LRRIQ1: variants seen among roughly 807,000 people sequenced by gnomAD.
LRRIQ1 encodes leucine-rich repeat- and IQ domain-containing protein 1.
In LRRIQ1, 210 loss-of-function variants were observed where a neutral mutation model predicts 211.9. That is an observed-to-expected ratio of 0.99 (90% confidence interval 0.89 to 1.11). LRRIQ1 has a LOEUF of 1.11. Ranked by LOEUF, LRRIQ1 falls within the 50% of genes most tolerant of loss-of-function variation. LRRIQ1 has a pLI of 0.00. For missense variants in LRRIQ1, 2,136 were observed against 1,939.5 expected, an observed-to-expected ratio of 1.10 and a Z score of -1.90; for synonymous variants, 699 against 650.1, an observed-to-expected ratio of 1.08 and a Z score of -1.14.
intron 21 of LRRIQ1, 92 bp downstream of exon 21, chr12:85,153,237 G>A (rs1890346850): frequency 5.0e-6 from 6 of 1,189,010 alleles, no homozygotes; most frequent in Non-Finnish European, 7.1e-6. Context: ...AACTAGATGT[G>A]AATTTACTTG....
At chr12:85,142,957 C>T (rs1889646002) in intron 19 of LRRIQ1, among the ~76,000 whole-genome samples, 1 of 151,390 alleles carries the variant, frequency 6.6e-6, no homozygotes, top group African/African-American at 2.4e-5. Context: ...GATTTTATTG[C>T]CTTTTGGTAT....
chr12:85,208,006 C>T (rs922510084), intron 24 of LRRIQ1, among the ~76,000 whole-genome samples: 3 of 140,626 alleles, frequency 2.1e-5, no homozygotes, highest in Non-Finnish European at 4.4e-5. Flanking sequence ...AGTAACTTTC[C>T]TCTCATGTTC....
Position 85,185,265 on chromosome 12 carries a change from T to G in LRRIQ1, c.4822+24551T>G, listed in dbSNP as rs187515421. On this transcript the variant is annotated intron_variant, in intron 24 of 26. Transcript: ENST00000393217. ...CAATTCCACACTTACAATTTTCTAATTTGTTTTACTGTGTGTTTCATATGG... is the reference window on the plus strand; with the variant it reads ...CAATTCCACACTTACAATTTTCTAAGTTGTTTTACTGTGTGTTTCATATGG... 5.1e-4 allele frequency among the ~76,000 whole-genome samples: 78 copies of G among 152,050 alleles called. 1 individual carries two copies. The highest frequency in any genetic ancestry group is 6.9e-3 in the Middle Eastern group (2 of 288).
chr12:85,056,233 G>C lies in LRRIQ1; in HGVS notation c.1440G>C (p.Met480Ile). ...SSQTILADFKMEEKNENLAKK... is the reference protein window; with the variant it reads ...SSQTILADFKIEEKNENLAKK... ...AAACAATTCTGGCAGATTTTAAAAT[G>C]GAAGAAAAAAATGAAAACCTAGCAA... The change falls in exon 8 of 27, where the codon ATG becomes ATC. Residue 480 changes from methionine to isoleucine, a missense_variant. By Grantham distance (10) the Met-to-Ile change is conservative (BLOSUM62 1). Transcript: ENST00000393217. 1 of 1,569,420 alleles carries C rather than the reference G, an allele frequency of 6.4e-7. No individual in the cohort carries two copies. The highest frequency in any genetic ancestry group is 1.2e-5 in the South Asian group (1 of 82,260).
At chr12:85,139,242 C>T (rs1055055219) in intron 19 of LRRIQ1, among the ~76,000 whole-genome samples, 3 of 151,384 alleles carry the variant, frequency 2.0e-5, no homozygotes, top group Non-Finnish European at 4.4e-5. Context: ...ATCTTTTCAG[C>T]ACACCCATGC....
intron 1 of LRRIQ1, among the ~76,000 whole-genome samples, chr12:85,255,308 T>C (rs1197567465): frequency 6.6e-6 from 1 of 151,854 alleles, no homozygotes; most frequent in Non-Finnish European, 1.5e-5. Context: ...ACTTATAAAC[T>C]CTTCTAATAA....
At chr12:85,038,122 G>A in intron 1 of LRRIQ1, 31 bp from the exon 2 acceptor site, 2 of 1,328,940 alleles carry the variant, frequency 1.5e-6, no homozygotes, top group South Asian at 2.4e-5. Flanking sequence ...AATTTTTAGT[G>A]ACATATTAGC....
chr12:85,153,080 T>C lies in LRRIQ1; in HGVS notation c.4476T>C (p.Ala1492=), dbSNP rs752936379. The change falls in exon 21 of 27, where the codon GCT becomes GCC. Residue 1492 remains alanine (A), a synonymous_variant. Transcript: ENST00000393217. ...CATTTAATTTACCAAGTAATCCAGC[T>C]CAAGCATGGTTATGTAATGACAAAG... is the stretch of plus-strand genomic sequence containing the variant. The part of the protein sequence containing the change: ...DTSFNLPSNP[A]QAWLCNDKEN... The C allele has an allele frequency of 1.9e-6, 3 of 1,587,548 alleles. No individual in the cohort carries two copies. The highest frequency in any genetic ancestry group is 2.6e-6 in the Non-Finnish European group (3 of 1,162,534).
At chr12:85,038,450 TATATAGTCACCTATACATCTTCGTAA>T in intron 2 of LRRIQ1, 142 bp downstream of exon 2, 1 of 396,484 alleles carries the variant, frequency 2.5e-6, no homozygotes, top group Non-Finnish European at 3.9e-6. Context: ...ATATTGAATA[TATATAGTCACCTATACATCTTCGTAA>T]AATTGGGATT....
At position 85,072,904 on chromosome 12, in the gene LRRIQ1, C is replaced by G. The variant is rs1437618907; in HGVS notation, c.2696-3C>G. The stretch of plus-strand genomic sequence containing the variant: ...TTGGTCTTAATTCTGTCATCCTACT[C>G]AGGATATTCCTTCTTTCTGGAAGAA... On this transcript the variant is annotated splice_region_variant and splice_polypyrimidine_tract_variant and intron_variant, in intron 10 of 26. Coordinates refer to ENST00000393217, the MANE Select transcript of LRRIQ1 (RefSeq NM_001079910.2). 1.9e-6 allele frequency: 3 copies of G among 1,602,896 alleles called. No homozygotes were observed. Among genetic ancestry groups the G allele is most frequent in the Non-Finnish European group, 2.6e-6 (3 of 1,174,386 alleles).
chr12:85,150,857 A>G (rs1029235814), intron 19 of LRRIQ1, among the ~76,000 whole-genome samples: 2 of 151,714 alleles, frequency 1.3e-5, no homozygotes, highest in African/African-American at 4.8e-5. Flanking sequence ...AAAATTGTAT[A>G]TGTTTATTGT....
intron 26 of LRRIQ1, among the ~76,000 whole-genome samples, chr12:85,240,580 C>T (rs190190175): frequency 5.9e-5 from 9 of 151,904 alleles, no homozygotes; most frequent in Admixed American, 3.9e-4. Context: ...TTGTAATAGC[C>T]AAAACTTAAC....
At chr12:85,107,825 A>C (rs1399337598) in intron 15 of LRRIQ1, among the ~76,000 whole-genome samples, 1 of 152,000 alleles carries the variant, frequency 6.6e-6, no homozygotes, top group African/African-American at 2.4e-5. Flanking sequence ...TTTCAGACTC[A>C]TCTATTTTTC....
intron 24 of LRRIQ1, among the ~76,000 whole-genome samples, chr12:85,218,515 GATAA>G: frequency 6.6e-6 from 1 of 152,160 alleles, no homozygotes; most frequent in Non-Finnish European, 1.5e-5. Flanking sequence ...ACAGAGAGAA[GATAA>G]ATACTTTACC....
At chr12:85,230,876 C>T (rs1894903381) in intron 25 of LRRIQ1, among the ~76,000 whole-genome samples, 1 of 151,046 alleles carries the variant, frequency 6.6e-6, no homozygotes, top group Non-Finnish European at 1.5e-5. Flanking sequence ...AGTGAAACCC[C>T]GTCTCTACTA....
At chr12:85,221,808 T>C (rs1333361099) in intron 24 of LRRIQ1, among the ~76,000 whole-genome samples, 1 of 152,162 alleles carries the variant, frequency 6.6e-6, no homozygotes, top group Admixed American at 6.6e-5. Flanking sequence ...TTGAATATTA[T>C]CTAAAGGCAG....
At chr12:85,195,722 C>T (rs1205216586) in intron 24 of LRRIQ1, among the ~76,000 whole-genome samples, 5 of 151,888 alleles carry the variant, frequency 3.3e-5, no homozygotes, top group East Asian at 1.9e-4. Context: ...CAATATCATA[C>T]GGAATGGGCA....
chr12:85,037,871 CAA>C (rs1365595928), intron 1 of LRRIQ1, among the ~76,000 whole-genome samples: 1 of 151,646 alleles, frequency 6.6e-6, no homozygotes, highest in Admixed American at 6.6e-5. Context: ...ATAACTGAAA[CAA>C]AAATTTTATA....
rs71076112 is a variant in LRRIQ1 at position 85,113,907 on chromosome 12, TTGTGTGTG to T, written c.3377+7325_3377+7332del. Among the ~76,000 whole-genome samples, 243 of 140,964 alleles carry T rather than the reference TTGTGTGTG, an allele frequency of 1.7e-3. 1 individual carries two copies. The highest frequency in any genetic ancestry group is 5.5e-3 in the African/African-American group (203 of 36,622). 92.5% of individuals were successfully genotyped at this position (140,964 alleles called of 152,430 possible). A position where few individuals can be genotyped will look rare whatever the true frequency, so the allele number is the denominator to read the frequency against. On this transcript the variant is annotated intron_variant, in intron 15 of 26. Coordinates refer to ENST00000393217, the MANE Select transcript of LRRIQ1 (RefSeq NM_001079910.2). ...GAAATTTCAATTATTCAAATGAGTT[TTGTGTGTG>T]TGTGTGTGTGTGTGTGTGTGTGTGT...
Sources: allele counts gnomAD v4.1 joint callset (sites outside exome capture counted in the v4.1 genomes callset), GRCh38; gene constraint gnomAD v4.1.1; transcripts MANE v1.5; gene names NCBI Gene and HGNC (gene_info 2026-07-23, HGNC 2026-07-21).